The following NAA11 variants were observed in gnomAD, a reference collection of about 807,000 sequenced individuals.
NAA11 encodes N-alpha-acetyltransferase 11, NatA catalytic subunit.
A neutral mutation model predicts 16.1 loss-of-function variants in NAA11; 15 were observed. That is an observed-to-expected ratio of 0.93 (90% CI 0.62 to 1.44). The LOEUF (loss-of-function observed/expected upper bound fraction) is 1.44, where lower values mean the gene tolerates loss of function less well. Ranked by LOEUF, NAA11 falls within the 40% of genes most tolerant of loss-of-function variation. NAA11 has a pLI of 0.00. For missense variants in NAA11, 298 were observed against 291.3 expected (o/e 1.02, Z -0.17); for synonymous variants, 122 against 112.4 (o/e 1.09, Z -0.54).
downstream of NAA11, among the ~76,000 whole-genome samples, chr4:79,315,791 A>T (rs181876178): frequency 6.6e-6 from 1 of 152,262 alleles, no homozygotes; most frequent in Admixed American, 6.5e-5. Context: ...GCTGCTGCTA[A>T]ATCACCGCTA....
At chr4:79,315,758 A>T (rs1364575135), downstream of NAA11, among the ~76,000 whole-genome samples, 2 of 152,132 alleles carry the variant, frequency 1.3e-5, no homozygotes, top group African/African-American at 4.8e-5. Context: ...AGACTCTCAC[A>T]ATTTGTGTTT....
At chr4:79,253,249 T>C (rs1407052357) in intron 2 of NAA11, among the ~76,000 whole-genome samples, 2 of 152,202 alleles carry the variant, frequency 1.3e-5, no homozygotes, top group Non-Finnish European at 2.9e-5. Context: ...TTTGAATGTG[T>C]TACACTTAGA....
At chr4:79,261,703 A>G (rs1722247248) in intron 2 of NAA11, among the ~76,000 whole-genome samples, 1 of 152,206 alleles carries the variant, frequency 6.6e-6, no homozygotes, top group South Asian at 2.1e-4. Flanking sequence ...GCCATTTAAA[A>G]TAAAGTCCTG....
chr4:79,156,202 T>G, the NAA11 span, among the ~76,000 whole-genome samples: 1 of 152,180 alleles, frequency 6.6e-6, no homozygotes, highest in African/African-American at 2.4e-5. Flanking sequence ...AACCCACATA[T>G]GTATATTTGA....
At chr4:79,221,632 TC>T (rs1721190405), downstream of NAA11, among the ~76,000 whole-genome samples, 1 of 105,088 alleles carries the variant, frequency 9.5e-6, no homozygotes, top group African/African-American at 2.9e-5. Flanking sequence ...ATTGAGATAA[TC>T]ATGTGGTTTT....
chr4:79,245,930 G>A (rs71333813), intron 2 of NAA11, among the ~76,000 whole-genome samples: 7 of 152,194 alleles, frequency 4.6e-5, no homozygotes, highest in Admixed American at 6.5e-5. Flanking sequence ...CGGTTTTGTC[G>A]AATAGAAAAG....
intron 2 of NAA11, among the ~76,000 whole-genome samples, chr4:79,259,945 G>C (rs1722211278): frequency 6.6e-6 from 1 of 152,134 alleles, no homozygotes; most frequent in Admixed American, 6.5e-5. Context: ...ATGGGGACTT[G>C]TCTTTGATGG....
chr4:79,195,656 G>A, the NAA11 span, among the ~76,000 whole-genome samples: 1 of 152,006 alleles, frequency 6.6e-6, no homozygotes, highest in African/African-American at 2.4e-5. Context: ...GTTTGGCTGT[G>A]CCCCACCCAA....
At chr4:79,280,941 C>T (rs964668393) in intron 2 of NAA11, among the ~76,000 whole-genome samples, 1 of 151,986 alleles carries the variant, frequency 6.6e-6, no homozygotes, top group Non-Finnish European at 1.5e-5. Flanking sequence ...AGTTTCTGCA[C>T]ACAAGGTTGC....
the NAA11 span, among the ~76,000 whole-genome samples, chr4:79,215,428 T>C: frequency 6.6e-6 from 1 of 152,182 alleles, no homozygotes; most frequent in African/African-American, 2.4e-5. Context: ...AAGGCTCTAT[T>C]CCAGTCCCCC....
downstream of NAA11, among the ~76,000 whole-genome samples, chr4:79,316,422 T>C (rs1723929411): frequency 6.6e-6 from 1 of 152,186 alleles, no homozygotes; most frequent in African/African-American, 2.4e-5. Flanking sequence ...TCATTTACCA[T>C]TAGGCAGACA....
At chr4:79,182,931 G>A in the NAA11 span, among the ~76,000 whole-genome samples, 1 of 152,026 alleles carries the variant, frequency 6.6e-6, no homozygotes, top group Non-Finnish European at 1.5e-5. Flanking sequence ...ACCTGTTCTA[G>A]ACTCAGGAAA....
chr4:79,203,279 C>T, the NAA11 span, among the ~76,000 whole-genome samples: 1 of 151,676 alleles, frequency 6.6e-6, no homozygotes, highest in Non-Finnish European at 1.5e-5. Context: ...ATATTCTAAA[C>T]TCTGAAGGTA....
Position 79,249,098 on chromosome 4 carries a change from C to T in NAA11, c.*123-22828G>A, listed in dbSNP as rs150282173. ...CAGCACATGGCCCCAGAGTCCTGAG[C>T]GGAGCCCTGGGCCCCTAAAATCTTC... On this transcript the variant is annotated intron_variant and NMD_transcript_variant, in intron 2 of 2. Coordinates refer to the NAA11 transcript ENST00000511542. Among the ~76,000 whole-genome samples the T allele has an allele frequency of 7.2e-5, 11 of 152,266 alleles. No homozygotes were observed. The East Asian group carries it at 1.2e-3, about 16-fold the overall frequency.
chr4:79,212,075 T>A, the NAA11 span, among the ~76,000 whole-genome samples: 83 of 152,346 alleles, frequency 5.4e-4, no homozygotes, highest in Middle Eastern at 3.4e-3. Flanking sequence ...TAAGAAATTC[T>A]GTATAGCAGA....
chr4:79,204,963 C>G, the NAA11 span, among the ~76,000 whole-genome samples: 7 of 69,000 alleles, frequency 1.0e-4, no homozygotes, highest in Non-Finnish European at 1.6e-4. Context: ...ACACATTATT[C>G]CATGGTGTGG....
At chr4:79,229,043 T>C (rs909598455) in intron 2 of NAA11, among the ~76,000 whole-genome samples, 9 of 151,994 alleles carry the variant, frequency 5.9e-5, no homozygotes, top group African/African-American at 2.2e-4. Flanking sequence ...TAATAGTGTC[T>C]TTCGTAGTGC....
chr4:79,203,840 T>G, the NAA11 span, among the ~76,000 whole-genome samples: 4 of 151,748 alleles, frequency 2.6e-5, no homozygotes, highest in African/African-American at 9.7e-5. Flanking sequence ...AAGATGAATC[T>G]TTTAATAGAG....
intron 2 of NAA11, among the ~76,000 whole-genome samples, chr4:79,240,541 G>A (rs1248573650): frequency 2.0e-5 from 3 of 152,092 alleles, no homozygotes; most frequent in Non-Finnish European, 4.4e-5. Context: ...TTCCTGTCCT[G>A]CAACTTTGCA....
Sources: allele counts gnomAD v4.1 joint callset (sites outside exome capture counted in the v4.1 genomes callset), GRCh38; gene constraint gnomAD v4.1.1; transcripts MANE v1.5; gene names NCBI Gene and HGNC (gene_info 2026-07-23, HGNC 2026-07-21).